Variants in DLGAP1 observed in about 807,000 individuals in gnomAD.
DLGAP1 encodes DLG associated protein 1.
Under a neutral mutation model 90.8 loss-of-function variants are expected in DLGAP1, and 11 were observed. The observed-to-expected ratio is 0.12, with a 90% CI of 0.08 to 0.20. The LOEUF is 0.20. Ranked by LOEUF, DLGAP1 falls within the 10% of genes least tolerant of loss-of-function variation. The pLI is 1.00. For synonymous variants in DLGAP1, 558 were observed against 540.7 expected (o/e 1.03, Z -0.44); for missense variants, 1,050 against 1,333.8 (o/e 0.79, Z 3.31).
chr18:3,597,314 T>C (rs1403140546), intron 7 of DLGAP1: 2 of 462,576 alleles, frequency 4.3e-6, no homozygotes, highest in Non-Finnish European at 8.4e-6. Flanking sequence ...CAACAGGCTA[T>C]GAAGACTCCC....
chr18:4,038,147 A>G (rs1247777918), intron 2 of DLGAP1, among the ~76,000 whole-genome samples: 1 of 152,220 alleles, frequency 6.6e-6, no homozygotes, highest in Non-Finnish European at 1.5e-5. Flanking sequence ...CCTAGATGCT[A>G]CAGTTCCAAT....
At chr18:3,892,711 G>T (rs904401700) in intron 3 of DLGAP1, among the ~76,000 whole-genome samples, 1 of 151,956 alleles carries the variant, frequency 6.6e-6, no homozygotes, top group African/African-American at 2.4e-5. Context: ...TTGGAAAAAA[G>T]AAGTCTGGAA....
At chr18:4,445,448 T>TC (rs1194478642) in intron 1 of DLGAP1, among the ~76,000 whole-genome samples, 4 of 62,406 alleles carry the variant, frequency 6.4e-5, no homozygotes, top group African/African-American at 2.7e-4. Flanking sequence ...CCCTCCCCCC[T>TC]CCCCCCACCC....
chr18:4,217,362 G>A (rs1202877571), intron 1 of DLGAP1, among the ~76,000 whole-genome samples: 1 of 152,070 alleles, frequency 6.6e-6, no homozygotes, highest in Non-Finnish European at 1.5e-5. Context: ...GTTACAGTGT[G>A]GAAATTAGTT....
At chr18:4,176,976 A>ATCTGG (rs2144628689) in intron 1 of DLGAP1, among the ~76,000 whole-genome samples, 1 of 152,182 alleles carries the variant, frequency 6.6e-6, no homozygotes, top group East Asian at 1.9e-4. Context: ...TCACAGCTGG[A>ATCTGG]TCTTGGATGC....
intron 2 of DLGAP1, among the ~76,000 whole-genome samples, chr18:4,043,202 C>T (rs55916861): frequency 0.12 from 17,811 of 152,096 alleles, 1,401 homozygotes; most frequent in South Asian, 0.35. Flanking sequence ...AATTTCTATA[C>T]TCAGTATAGG....
intron 2 of DLGAP1, among the ~76,000 whole-genome samples, chr18:4,044,692 G>A (rs1386903806): frequency 6.6e-6 from 1 of 152,102 alleles, no homozygotes; most frequent in African/African-American, 2.4e-5. Context: ...AGTAAGCCGA[G>A]GTTGCACCAC....
intron 2 of DLGAP1, among the ~76,000 whole-genome samples, chr18:4,142,285 T>C (rs182263015): frequency 3.3e-5 from 5 of 152,340 alleles, no homozygotes; most frequent in Admixed American, 6.5e-5. Context: ...CAGAGAGTAG[T>C]TAAAATGTTA....
intron 1 of DLGAP1, among the ~76,000 whole-genome samples, chr18:4,271,528 A>T (rs986181754): frequency 7.2e-5 from 11 of 152,208 alleles, no homozygotes; most frequent in Non-Finnish European, 1.5e-4. Context: ...TTTGTTGGGA[A>T]TTTTTCTAAT....
At chr18:4,394,893 C>T (rs2082408641) in intron 1 of DLGAP1, among the ~76,000 whole-genome samples, 1 of 152,192 alleles carries the variant, frequency 6.6e-6, no homozygotes, top group African/African-American at 2.4e-5. Context: ...CACAAGTGAA[C>T]ATGAGACAGC....
At chr18:4,188,640 C>G (rs1301828021) in intron 1 of DLGAP1, among the ~76,000 whole-genome samples, 1 of 152,108 alleles carries the variant, frequency 6.6e-6, no homozygotes, top group Non-Finnish European at 1.5e-5. Flanking sequence ...GCAAAGGACA[C>G]GAACTCATTC....
chr18:3,715,292 A>G (rs908372858), intron 7 of DLGAP1, among the ~76,000 whole-genome samples: 1 of 152,232 alleles, frequency 6.6e-6, no homozygotes, highest in Non-Finnish European at 1.5e-5. Flanking sequence ...AAGAGCAAGA[A>G]AAAGGGAAGG....
intron 6 of DLGAP1, among the ~76,000 whole-genome samples, chr18:3,738,496 A>G (rs1186498857): frequency 2.0e-5 from 3 of 149,466 alleles, no homozygotes; most frequent in Non-Finnish European, 4.5e-5. Context: ...CTGATCTTTG[A>G]CAAACCTGAG....
intron 7 of DLGAP1, among the ~76,000 whole-genome samples, chr18:3,668,426 C>T (rs545740924): frequency 3.3e-5 from 5 of 152,160 alleles, no homozygotes; most frequent in African/African-American, 9.7e-5. Flanking sequence ...GATCCTCCCC[C>T]CTCAGCCTCC....
chr18:3,639,789 C>T lies in DLGAP1; in HGVS notation c.1592-57541G>A, dbSNP rs2058861623. Among the ~76,000 whole-genome samples the T allele has an allele frequency of 1.7e-5, 2 of 120,156 alleles. 1 individual carries two copies. Among genetic ancestry groups the T allele is most frequent in the South Asian group, 5.0e-4 (2 of 3,976 alleles). The allele number at this position is 120,156 out of a possible 152,430, so 78.8% of individuals were successfully genotyped here. ...TTTTTTTTTGAGACAGAGTCTTGCTCTGTCGCCCAGGCTGGAGTGCAGTGG... is the reference window on the plus strand; with the variant it reads ...TTTTTTTTTGAGACAGAGTCTTGCTTTGTCGCCCAGGCTGGAGTGCAGTGG... On this transcript the variant is annotated intron_variant, in intron 7 of 12. Transcript: ENST00000315677.
At chr18:3,693,102 T>G (rs1414459190) in intron 7 of DLGAP1, among the ~76,000 whole-genome samples, 1 of 152,144 alleles carries the variant, frequency 6.6e-6, no homozygotes, top group Non-Finnish European at 1.5e-5. Flanking sequence ...TATTTTCTTT[T>G]TCAGAGACAG....
chr18:3,536,341 A>T (rs1171160151), intron 9 of DLGAP1, among the ~76,000 whole-genome samples: 1 of 150,766 alleles, frequency 6.6e-6, no homozygotes, highest in Non-Finnish European at 1.5e-5. Context: ...CTCCTGCCTC[A>T]GCCTCCCGAA....
intron 7 of DLGAP1, among the ~76,000 whole-genome samples, chr18:3,610,954 T>C (rs549638057): frequency 6.6e-6 from 1 of 151,672 alleles, no homozygotes; most frequent in Non-Finnish European, 1.5e-5. Flanking sequence ...GTATGACTCA[T>C]GCACATGTGT....
In DLGAP1 at chr18:3,901,488, C is replaced by A. The variant is rs75162644; in HGVS notation, c.-72-21348G>T. On this transcript the variant is annotated intron_variant, in intron 3 of 12. Transcript: ENST00000315677. ...TCCCAATACTATAAAAGCTGAACCA[C>A]ATGAAGGAACCCTGGAGCTGGTTCC... Among the ~76,000 whole-genome samples, 1,122 of 152,254 alleles carry A rather than the reference C, an allele frequency of 7.4e-3. 17 individuals carry two copies. Among genetic ancestry groups the A allele is most frequent in the African/African-American group, 0.026 (1,071 of 41,544 alleles).
Sources: gnomAD v4.1 joint callset for allele counts (sites outside exome capture counted in the v4.1 genomes callset) on GRCh38, gnomAD v4.1.1 for gene constraint, MANE v1.5 for transcripts, NCBI Gene and HGNC (gene_info 2026-07-23, HGNC 2026-07-21) for gene names.